The following RABGAP1L variants were observed in gnomAD, a reference collection of about 807,000 sequenced individuals.
RABGAP1L encodes RAB GTPase activating protein 1 like.
RABGAP1L carries 63 observed loss-of-function variants against 137.7 expected under a neutral mutation model. That is an observed-to-expected ratio of 0.46 (90% CI 0.37 to 0.56). The LOEUF is 0.56. Among genes scored for constraint, RABGAP1L ranks in the 20% least tolerant of loss-of-function variants. The probability of loss-of-function intolerance (pLI) is 0.00; values close to 1 mark genes in which losing one functional copy is unlikely to be tolerated. For missense variants in RABGAP1L, 1,095 were observed against 1,244.0 expected (o/e 0.88, Z 1.80); for synonymous variants, 431 against 433.7 (o/e 0.99, Z 0.08).
At chr1:174,216,585 A>AT (rs1669341012) in intron 1 of RABGAP1L, among the ~76,000 whole-genome samples, 2 of 123,644 alleles carry the variant, frequency 1.6e-5, no homozygotes, top group Non-Finnish European at 1.7e-5. Flanking sequence ...CATTGCTGTC[A>AT]TGTTTTTTTT....
intron 13 of RABGAP1L, among the ~76,000 whole-genome samples, chr1:174,465,637 AAAAAAT>A (rs1318286086): frequency 1.3e-5 from 2 of 152,332 alleles, no homozygotes; most frequent in African/African-American, 4.8e-5. Flanking sequence ...AGCAAGTAAA[AAAAAAT>A]AAGATAATTT....
At chr1:174,850,018 T>G (rs1405404085) in intron 19 of RABGAP1L, 1 of 640,376 alleles carries the variant, frequency 1.6e-6, no homozygotes, top group Non-Finnish European at 2.8e-6. Flanking sequence ...ATCTCTCCCT[T>G]AATTTCTGGA....
chr1:174,866,993 TG>T (rs1651372351), intron 19 of RABGAP1L, among the ~76,000 whole-genome samples: 1 of 151,130 alleles, frequency 6.6e-6, no homozygotes, highest in Non-Finnish European at 1.5e-5. Flanking sequence ...GAAACTGAGG[TG>T]GGAGGATCAC....
chr1:174,651,046 G>A (rs1047477588), intron 14 of RABGAP1L, among the ~76,000 whole-genome samples: 13 of 151,234 alleles, frequency 8.6e-5, no homozygotes, highest in South Asian at 4.2e-4. Context: ...CTTTGTTCTC[G>A]TTGGTTTCAA....
intron 13 of RABGAP1L, among the ~76,000 whole-genome samples, chr1:174,495,639 C>T (rs1488879962): frequency 6.6e-6 from 1 of 152,148 alleles, no homozygotes; most frequent in African/African-American, 2.4e-5. Context: ...ACATAGTTTA[C>T]ACTCTTGTAC....
chr1:174,195,649 C>CT (rs1292488899), intron 1 of RABGAP1L, among the ~76,000 whole-genome samples: 22 of 116,286 alleles, frequency 1.9e-4, no homozygotes, highest in African/African-American at 4.7e-4. Flanking sequence ...TCCTTCCTTC[C>CT]TTCCTTTCCT....
intron 13 of RABGAP1L, among the ~76,000 whole-genome samples, chr1:174,534,193 A>T (rs964596550): frequency 4.0e-5 from 6 of 149,878 alleles, no homozygotes; most frequent in African/African-American, 1.2e-4. Context: ...TCCCTAAACA[A>T]TATTTAGCAA....
At chr1:174,534,405 T>A (rs1472832505) in intron 13 of RABGAP1L, among the ~76,000 whole-genome samples, 1 of 152,088 alleles carries the variant, frequency 6.6e-6, no homozygotes, top group Non-Finnish European at 1.5e-5. Flanking sequence ...TACATTTTCC[T>A]ATACATATGT....
At chr1:174,966,173 G>A (rs779571106) in intron 20 of RABGAP1L, among the ~76,000 whole-genome samples, 4 of 152,134 alleles carry the variant, frequency 2.6e-5, no homozygotes, top group Non-Finnish European at 5.9e-5. Flanking sequence ...TGAAAAACTG[G>A]TAGTGGCAAC....
At chr1:174,540,137 G>T (rs1008996881) in intron 13 of RABGAP1L, among the ~76,000 whole-genome samples, 1 of 152,012 alleles carries the variant, frequency 6.6e-6, no homozygotes, top group Non-Finnish European at 1.5e-5. Context: ...TTTTGATGGG[G>T]TAGTTTGATT....
intron 19 of RABGAP1L, among the ~76,000 whole-genome samples, chr1:174,926,049 C>T (rs1268764523): frequency 6.6e-6 from 1 of 151,408 alleles, no homozygotes; most frequent in Non-Finnish European, 1.5e-5. Flanking sequence ...ATTTTGATCG[C>T]CAGTTGTCTG....
intron 11 of RABGAP1L, chr1:174,365,244 A>G (rs1167094418): frequency 6.6e-6 from 1 of 152,190 alleles, no homozygotes; most frequent in African/African-American, 2.4e-5. Flanking sequence ...TTTATGTCAA[A>G]TTGTAGGAGA....
intron 12 of RABGAP1L, among the ~76,000 whole-genome samples, chr1:174,391,457 C>T (rs1228747146): frequency 6.6e-6 from 1 of 152,174 alleles, no homozygotes; most frequent in African/African-American, 2.4e-5. Flanking sequence ...GCTGGAACTA[C>T]AGGCACATGC....
intron 13 of RABGAP1L, among the ~76,000 whole-genome samples, chr1:174,631,394 A>T (rs1008088055): frequency 3.1e-5 from 4 of 127,644 alleles, no homozygotes; most frequent in South Asian, 4.7e-4. Context: ...AGAGTTCTGT[A>T]GATGTCTATT....
intron 13 of RABGAP1L, among the ~76,000 whole-genome samples, chr1:174,509,534 A>G (rs1662143372): frequency 6.6e-6 from 1 of 151,790 alleles, no homozygotes. Context: ...TTTCCCCCCA[A>G]ATCTTAAATA....
intron 17 of RABGAP1L, 86 bp downstream of exon 17, chr1:174,702,342 C>A: frequency 4.1e-6 from 5 of 1,227,562 alleles, no homozygotes; most frequent in South Asian, 1.9e-5. Flanking sequence ...TTTGTTTTTG[C>A]CTGTGACATT....
At chr1:174,437,501 T>C (rs915993333) in intron 13 of RABGAP1L, among the ~76,000 whole-genome samples, 29 of 151,828 alleles carry the variant, frequency 1.9e-4, no homozygotes, top group Non-Finnish European at 2.5e-4. Flanking sequence ...AAATGAAGCG[T>C]GAAGAGAAGT....
intron 13 of RABGAP1L, among the ~76,000 whole-genome samples, chr1:174,528,551 G>T (rs1484392297): frequency 6.9e-6 from 1 of 145,712 alleles, no homozygotes; most frequent in African/African-American, 2.5e-5. Flanking sequence ...GGTCAGTAAG[G>T]TTTCTGCAAA....
chr1:174,649,833 C>G (rs915188723), intron 14 of RABGAP1L, among the ~76,000 whole-genome samples: 1 of 152,124 alleles, frequency 6.6e-6, no homozygotes, highest in African/African-American at 2.4e-5. Flanking sequence ...ATTTCCTTCT[C>G]CTGCCTGATT....
Sources: gnomAD v4.1 joint callset for allele counts (sites outside exome capture counted in the v4.1 genomes callset) on GRCh38, gnomAD v4.1.1 for gene constraint, MANE v1.5 for transcripts, NCBI Gene and HGNC (gene_info 2026-07-23, HGNC 2026-07-21) for gene names.